DGLUCY: variants seen among roughly 807,000 people sequenced by gnomAD.
The protein encoded by DGLUCY is D-glutamate cyclase, also known as D-glutamate cyclase, mitochondrial.
DGLUCY carries 58 observed loss-of-function variants against 58.5 expected under a neutral mutation model. The observed-to-expected ratio is 0.99, with a 90% CI of 0.80 to 1.23. The LOEUF (loss-of-function observed/expected upper bound fraction) is 1.23. DGLUCY is among the 50% of genes most tolerant of loss of function. The pLI is 0.00. For synonymous variants in DGLUCY, 325 were observed against 314.1 expected (o/e 1.03, Z -0.37); for missense variants, 779 against 784.7 (o/e 0.99, Z 0.09).
At position 91,151,663 on chromosome 14, in the gene DGLUCY, T is replaced by C. The variant is rs192242261; in HGVS notation, c.-81-5976T>C. 1.8e-3 allele frequency among the ~76,000 whole-genome samples: 270 copies of C among 149,544 alleles called. 2 individuals are homozygous for C. Among genetic ancestry groups the C allele is most frequent in the African/African-American group, 6.0e-3 (242 of 40,102 alleles). On this transcript the variant is annotated intron_variant, in intron 1 of 13. Coordinates refer to ENST00000256324, the MANE Select transcript of DGLUCY (RefSeq NM_001102368.3). ...TTTATTTTTTCTTTTCTTTTCTTTTTTTTTTTTTTGAGATGCAGTCTTGCT... is the reference window on the plus strand; with the variant it reads ...TTTATTTTTTCTTTTCTTTTCTTTTCTTTTTTTTTGAGATGCAGTCTTGCT...
At chr14:91,095,774 G>T (rs2140073432) in intron 1 of DGLUCY, among the ~76,000 whole-genome samples, 1 of 152,084 alleles carries the variant, frequency 6.6e-6, no homozygotes, top group East Asian at 1.9e-4. Flanking sequence ...CTCTCCGTTG[G>T]CCCACCCCTC....
At chr14:91,156,091 A>G (rs2047603354) in intron 1 of DGLUCY, among the ~76,000 whole-genome samples, 1 of 151,724 alleles carries the variant, frequency 6.6e-6, no homozygotes. Flanking sequence ...ATTATTTCAG[A>G]TAAGGTGTGT....
upstream of DGLUCY, among the ~76,000 whole-genome samples, chr14:91,112,067 G>A (rs2044712062): frequency 6.6e-6 from 1 of 150,976 alleles, no homozygotes; most frequent in Admixed American, 6.6e-5. Flanking sequence ...GAGCAACCCC[G>A]TCTCTACTAC....
Position 91,160,371 on chromosome 14 carries a change from T to G in DGLUCY, c.77T>G (p.Ile26Ser), listed in dbSNP as rs1595797220. The G allele has an allele frequency of 6.7e-7, 1 of 1,493,248 alleles. No homozygotes were observed. Among genetic ancestry groups the G allele is most frequent in the African/African-American group, 1.7e-5 (1 of 58,900 alleles). 92.5% of individuals were successfully genotyped at this position (1,493,248 alleles called of 1,614,324 possible). A position where few individuals can be genotyped will look rare whatever the true frequency, so the allele number is the denominator to read the frequency against. ...RSLILQKKPN[I>S]RNTSSMAGEL... Reference sequence around the variant, plus strand: ...TTGATTCTACAAAAGAAACCAAACATCAGAAATACATCCAGCATGGCTGGA... The same window carrying G: ...TTGATTCTACAAAAGAAACCAAACAGCAGAAATACATCCAGCATGGCTGGA... Residue 26 changes from isoleucine to serine, a missense_variant, in exon 3 of 14, where the codon ATC becomes AGC. Ile to Ser is a moderately radical substitution (Grantham distance 142, BLOSUM62 -2). Coordinates refer to ENST00000256324, the MANE Select transcript of DGLUCY (RefSeq NM_001102368.3).
intron 1 of DGLUCY, among the ~76,000 whole-genome samples, chr14:91,140,985 A>C (rs908546229): frequency 6.6e-6 from 1 of 152,166 alleles, no homozygotes; most frequent in African/African-American, 2.4e-5. Flanking sequence ...AGACTTGTCA[A>C]AATTTCTACC....
chr14:91,169,105 TAAAA>T (rs962071327), intron 4 of DGLUCY, among the ~76,000 whole-genome samples: 2 of 150,894 alleles, frequency 1.3e-5, no homozygotes, highest in Admixed American at 6.6e-5. Context: ...AATAAATAAA[TAAAA>T]AACATTAAAA....
In DGLUCY at chr14:91,087,682, C is replaced by A. The variant is rs368777413; in HGVS notation, c.-82+26978C>A. 8.5e-5 allele frequency among the ~76,000 whole-genome samples: 13 copies of A among 152,232 alleles called. 1 individual carries two copies. Among genetic ancestry groups the A allele is most frequent in the African/African-American group, 3.1e-4 (13 of 41,536 alleles). On this transcript the variant is annotated intron_variant, in intron 1 of 4. Transcript: ENST00000521334. ...TTTAAAAAAATTCTACGTTGTTAGC[C>A]AATCCGGACAGATACAGAATGTGAG...
chr14:91,217,347 G>A (rs1449564128), intron 13 of DGLUCY, among the ~76,000 whole-genome samples: 3 of 152,118 alleles, frequency 2.0e-5, no homozygotes, highest in Admixed American at 6.5e-5. Context: ...CCAAGAGGCC[G>A]GAGGGTCCTG....
chr14:91,217,508 G>A (rs1260725264), intron 13 of DGLUCY, among the ~76,000 whole-genome samples: 1 of 141,098 alleles, frequency 7.1e-6, no homozygotes, highest in Non-Finnish European at 1.5e-5. Context: ...TTTTGAGACA[G>A]AGTTTTGCTC....
At chr14:91,190,234 G>T (rs922039852) in intron 9 of DGLUCY, among the ~76,000 whole-genome samples, 137 of 151,950 alleles carry the variant, frequency 9.0e-4, no homozygotes, top group Admixed American at 1.6e-3. Context: ...TGATCCGCCC[G>T]CCTCGGCCTC....
At chr14:91,184,892 C>T (rs536783231) in intron 8 of DGLUCY, among the ~76,000 whole-genome samples, 5 of 152,046 alleles carry the variant, frequency 3.3e-5, no homozygotes, top group Non-Finnish European at 7.4e-5. Context: ...GATATAAACC[C>T]ACCACAGATA....
intron 1 of DGLUCY, among the ~76,000 whole-genome samples, chr14:91,128,623 C>T (rs529080020): frequency 1.3e-5 from 2 of 152,154 alleles, no homozygotes; most frequent in East Asian, 3.9e-4. Context: ...GACTTTGTTT[C>T]TCACCCCCCC....
chr14:91,064,442 G>A (rs758490994), intron 1 of DGLUCY, among the ~76,000 whole-genome samples: 1 of 151,874 alleles, frequency 6.6e-6, no homozygotes, highest in Non-Finnish European at 1.5e-5. Context: ...GGTCAACAAG[G>A]TGAAACCCTA....
intron 10 of DGLUCY, among the ~76,000 whole-genome samples, chr14:91,199,263 T>A (rs2050404093): frequency 1.0e-5 from 1 of 97,418 alleles, no homozygotes; most frequent in Non-Finnish European, 2.3e-5. Context: ...CAATGCTGGA[T>A]TTTTTTTTTT....
intron 3 of DGLUCY, chr14:91,165,404 G>A: frequency 2.5e-6 from 1 of 393,368 alleles, no homozygotes; most frequent in Non-Finnish European, 5.0e-6. Context: ...GCCACAGCCT[G>A]GGTTCACACA....
intron 12 of DGLUCY, among the ~76,000 whole-genome samples, chr14:91,205,754 C>CTTTTCTTCTTCTTCTTCT (rs1555406030): frequency 6.2e-5 from 8 of 129,728 alleles, no homozygotes; most frequent in African/African-American, 2.4e-4. Flanking sequence ...CCAGGGCATT[C>CTTTTCTTCTTCTTCTTCT]TCTTCTTCTT....
At chr14:91,090,715 A>G (rs2044297250) in intron 1 of DGLUCY, among the ~76,000 whole-genome samples, 1 of 152,190 alleles carries the variant, frequency 6.6e-6, no homozygotes, top group Non-Finnish European at 1.5e-5. Context: ...TCCAGGACTG[A>G]TGGGAAGAAG....
At chr14:91,103,478 G>A (rs1333739948), upstream of DGLUCY, among the ~76,000 whole-genome samples, 1 of 152,062 alleles carries the variant, frequency 6.6e-6, no homozygotes, top group Non-Finnish European at 1.5e-5. Context: ...GCCAACAGAT[G>A]GGAGCTCCCT....
chr14:91,188,802 C>G (rs1416791276), intron 8 of DGLUCY, 108 bp from the exon 9 acceptor site: 1 of 1,291,290 alleles, frequency 7.7e-7, no homozygotes, highest in African/African-American at 1.5e-5. Context: ...GCCTTCCAGC[C>G]TGGATGACAG....
Sources: gnomAD v4.1 joint callset for allele counts (sites outside exome capture counted in the v4.1 genomes callset) on GRCh38, gnomAD v4.1.1 for gene constraint, MANE v1.5 for transcripts, NCBI Gene and HGNC (gene_info 2026-07-23, HGNC 2026-07-21) for gene names.